Variants in TAB1 observed in about 807,000 individuals in gnomAD.
TAB1 encodes TGF-beta activated kinase 1 (MAP3K7) binding protein 1.
Under a neutral mutation model 54.5 loss-of-function variants are expected in TAB1, and 30 were observed. That is an observed-to-expected ratio of 0.55 (90% CI 0.41 to 0.75). The LOEUF (loss-of-function observed/expected upper bound fraction) is 0.75. Ranked by LOEUF, TAB1 falls within the 30% of genes least tolerant of loss-of-function variation. TAB1 has a pLI of 0.00. For synonymous variants in TAB1, 289 were observed against 286.9 expected (o/e 1.01, Z -0.07); for missense variants, 609 against 683.2 (o/e 0.89, Z 1.21).
chr22:39,400,756 C>G (rs574367896), intron 1 of TAB1, among the ~76,000 whole-genome samples: 414 of 152,304 alleles, frequency 2.7e-3, no homozygotes, highest in Non-Finnish European at 4.7e-3. Flanking sequence ...GTAAACTCCG[C>G]CGGGCGCGGT....
intron 3 of TAB1, among the ~76,000 whole-genome samples, chr22:39,416,368 C>G (rs1271833147): frequency 6.6e-6 from 1 of 152,208 alleles, no homozygotes; most frequent in African/African-American, 2.4e-5. Flanking sequence ...ATAGGCCTGG[C>G]AGTTTCTCTG....
chr22:39,403,481 G>A (rs1369383004), intron 1 of TAB1, among the ~76,000 whole-genome samples: 1 of 152,188 alleles, frequency 6.6e-6, no homozygotes, highest in Non-Finnish European at 1.5e-5. Context: ...GGGGGAGCTT[G>A]GGAGTAGCTG....
downstream of TAB1, among the ~76,000 whole-genome samples, chr22:39,436,126 T>C (rs1927774775): frequency 6.6e-6 from 1 of 152,134 alleles, no homozygotes; most frequent in Admixed American, 6.5e-5. Flanking sequence ...ATCCCATCTC[T>C]ACTAAAAATA....
At chr22:39,434,884 T>C (rs1032054522), downstream of TAB1, among the ~76,000 whole-genome samples, 4 of 152,184 alleles carry the variant, frequency 2.6e-5, no homozygotes, top group Non-Finnish European at 5.9e-5. Flanking sequence ...AGCCATCTTG[T>C]GGTACAGACA....
intron 1 of TAB1, among the ~76,000 whole-genome samples, chr22:39,407,631 G>T (rs918208474): frequency 9.2e-5 from 14 of 152,022 alleles, no homozygotes; most frequent in Non-Finnish European, 1.2e-4. Flanking sequence ...GACTACAGGC[G>T]TCTGCCACCA....
At chr22:39,418,923 G>C (rs1484415979) in intron 6 of TAB1, 78 bp downstream of exon 6, 2 of 1,194,630 alleles carry the variant, frequency 1.7e-6, no homozygotes, top group Non-Finnish European at 2.5e-6. Flanking sequence ...GGGTAGAGAG[G>C]CGTGTGGTAG....
chr22:39,430,635 A>C lies in TAB1; in HGVS notation c.*413A>C, dbSNP rs1601702576. The C allele has an allele frequency of 5.6e-6, 6 of 1,066,210 alleles. No individual in the cohort carries two copies. The highest frequency in any genetic ancestry group is 5.7e-6 in the Non-Finnish European group (5 of 876,394). 66.0% of individuals were successfully genotyped at this position (1,066,210 alleles called of 1,614,324 possible). On this transcript the variant is annotated 3_prime_UTR_variant, in exon 11 of 11. Coordinates refer to ENST00000216160, the MANE Select transcript of TAB1 (RefSeq NM_006116.3). ...CAAGCCCACCCCTCCTCCCACCATC[A>C]CCTCCCTCACCTCGGGACAGTAGCC...
At chr22:39,409,077 C>T (rs1926500769) in intron 1 of TAB1, among the ~76,000 whole-genome samples, 2 of 152,188 alleles carry the variant, frequency 1.3e-5, no homozygotes, top group Admixed American at 1.3e-4. Flanking sequence ...TAATCACAGC[C>T]TTCTAGAAAA....
intron 8 of TAB1, among the ~76,000 whole-genome samples, chr22:39,423,461 C>T (rs534312700): frequency 1.5e-4 from 23 of 152,104 alleles, no homozygotes; most frequent in African/African-American, 5.1e-4. Context: ...AAAAATTAGC[C>T]GGGTGTGGTG....
In TAB1 at chr22:39,428,142, C is replaced by T. The variant is rs1275588510; in HGVS notation, c.1266C>T (p.His422=). 6.2e-7 allele frequency: 1 copy of T among 1,613,278 alleles called. No individual in the cohort carries two copies. The highest frequency in any genetic ancestry group is 1.3e-5 in the African/African-American group (1 of 74,926). The change falls in exon 10 of 11, where the codon CAC becomes CAT. Residue 422 remains histidine, a synonymous_variant. Coordinates refer to ENST00000216160, the MANE Select transcript of TAB1 (RefSeq NM_006116.3). ...AGGGCCAGATGGTCAACGGGGCTCA[C>T]AGTGCTTCCACCCTGGACGAAGCCA... ...PSQGQMVNGA[H]SASTLDEATP...
chr22:39,426,727 G>A lies in TAB1; in HGVS notation c.946G>A (p.Glu316Lys). The A allele has an allele frequency of 6.2e-7, 1 of 1,607,254 alleles. No individual in the cohort carries two copies. Among genetic ancestry groups the A allele is most frequent in the Non-Finnish European group, 8.5e-7 (1 of 1,174,364 alleles). The change falls in exon 9 of 11, where the codon GAG (glutamate) becomes AAG (lysine). Residue 316 changes from glutamate (E) to lysine (K), a missense_variant. Transcript: ENST00000216160. ...NQEIAAMIDT[E>K]FAKQTSLDAV... is the part of the protein sequence containing the mutation. ...GGAGATTGCTGCGATGATTGACACT[G>A]AGTTTGCCAAGCAGACCTCCCTGGA...
rs555370210 is a variant in TAB1 at position 39,426,108 on chromosome 22, C to T, written c.922-595C>T. ...TCCTGACCTCTGGCAGTCCTCCCAC[C>T]TCAGCCTCCCAAAGTGCTGGGATTA... On this transcript the variant is annotated intron_variant, in intron 8 of 10. Transcript: ENST00000216160. Among the ~76,000 whole-genome samples, 13 of 152,292 alleles carry T rather than the reference C, an allele frequency of 8.5e-5. 1 individual carries two copies. In the South Asian group the frequency reaches 2.7e-3, roughly 32 times the overall value.
intron 10 of TAB1, 106 bp downstream of exon 10, chr22:39,428,289 C>A: frequency 1.4e-6 from 1 of 726,870 alleles, no homozygotes; most frequent in Non-Finnish European, 2.2e-6. Flanking sequence ...GGATGAGATG[C>A]CCTGGGGTCT....
intron 6 of TAB1, among the ~76,000 whole-genome samples, chr22:39,419,093 A>G (rs1452842783): frequency 2.0e-5 from 3 of 152,218 alleles, no homozygotes; most frequent in Non-Finnish European, 4.4e-5. Context: ...AGGAGGATTC[A>G]GTTAGTGCAT....
intron 7 of TAB1, among the ~76,000 whole-genome samples, chr22:39,420,345 G>T (rs533259176): frequency 1.3e-5 from 2 of 152,338 alleles, no homozygotes; most frequent in East Asian, 3.9e-4. Context: ...AACACAGGCA[G>T]CCTGAATTTG....
downstream of TAB1, chr22:39,431,897 A>G (rs1365068678): frequency 3.0e-6 from 3 of 985,068 alleles, no homozygotes; most frequent in East Asian, 3.4e-4. Flanking sequence ...GCTGTTGCTC[A>G]TGTTTCCTGT....
intron 8 of TAB1, among the ~76,000 whole-genome samples, chr22:39,423,690 A>AT (rs1325826900): frequency 6.6e-6 from 1 of 151,844 alleles, no homozygotes; most frequent in Non-Finnish European, 1.5e-5. Context: ...AGGTACCAGT[A>AT]TTTTTTTGTT....
In TAB1 at chr22:39,419,613, G is replaced by A. The variant is rs1346335538; in HGVS notation, c.759G>A (p.Thr253=). The A allele has an allele frequency of 8.7e-6, 14 of 1,610,672 alleles. 1 individual carries two copies. The highest frequency in any genetic ancestry group is 1.7e-4 in the Middle Eastern group (1 of 6,022). The change falls in exon 7 of 11, where the codon ACG becomes ACA. Residue 253 remains threonine (T), a synonymous_variant. Transcript: ENST00000216160. ...IGDYKVKYGY[T]DIDLLSAAKS... is the part of the protein sequence containing the mutation. ...ATTACAAGGTTAAATATGGCTACAC[G>A]GACATTGACCTTCTCAGGTAGGTGC...
At chr22:39,407,648 G>A (rs1168520219) in intron 1 of TAB1, among the ~76,000 whole-genome samples, 1 of 152,044 alleles carries the variant, frequency 6.6e-6, no homozygotes, top group Non-Finnish European at 1.5e-5. Flanking sequence ...ACCACGCCCG[G>A]CTAATTTTTT....
Sources: allele counts gnomAD v4.1 joint callset (sites outside exome capture counted in the v4.1 genomes callset), GRCh38; gene constraint gnomAD v4.1.1; transcripts MANE v1.5; gene names NCBI Gene and HGNC (gene_info 2026-07-23, HGNC 2026-07-21).